CDH13: variants seen among roughly 807,000 people sequenced by gnomAD.
CDH13 encodes cadherin-13.
CDH13 carries 24 observed loss-of-function variants against 63.8 expected under a neutral mutation model. The ratio of observed to expected loss-of-function variants is 0.38; its 90% CI spans 0.27 to 0.53. The LOEUF is 0.53. Ranked by LOEUF, CDH13 falls within the 20% of genes least tolerant of loss-of-function variation. The pLI, the probability that CDH13 is intolerant of heterozygous loss-of-function variation, is 0.85. For missense variants in CDH13, 1,049 were observed against 903.1 expected, an observed-to-expected ratio of 1.16 and a Z score of -2.07; for synonymous variants, 503 against 355.3, an observed-to-expected ratio of 1.42 and a Z score of -4.67.
chr16:83,016,138 C>T (rs972937742), intron 2 of CDH13, among the ~76,000 whole-genome samples: 2 of 152,098 alleles, frequency 1.3e-5, no homozygotes, highest in Non-Finnish European at 2.9e-5. Flanking sequence ...TAATAAAAAT[C>T]ACTTGGCCAC....
chr16:82,963,245 G>A (rs1482048168), intron 2 of CDH13, among the ~76,000 whole-genome samples: 1 of 151,940 alleles, frequency 6.6e-6, no homozygotes, highest in Non-Finnish European at 1.5e-5. Context: ...CAGGTGTGGT[G>A]GTGGGCACCT....
intron 6 of CDH13, among the ~76,000 whole-genome samples, chr16:83,422,536 ATACT>A (rs1479430710): frequency 1.3e-5 from 2 of 152,226 alleles, no homozygotes; most frequent in African/African-American, 4.8e-5. Flanking sequence ...GAATTAATTA[ATACT>A]TACGATAAAT....
chr16:83,463,474 C>G (rs2073231063), intron 6 of CDH13, among the ~76,000 whole-genome samples: 1 of 152,168 alleles, frequency 6.6e-6, no homozygotes, highest in Admixed American at 6.5e-5. Flanking sequence ...TGGCATACCA[C>G]ACTACACACA....
At chr16:83,052,776 C>CAAAAAAAAAAAAAAAAAAAAAAAAAAAA (rs71148805) in intron 3 of CDH13, among the ~76,000 whole-genome samples, 1 of 92,920 alleles carries the variant, frequency 1.1e-5, no homozygotes, top group Admixed American at 1.1e-4. Flanking sequence ...GACTTTATCT[C>CAAAAAAAAAAAAAAAAAAAAAAAAAAAA]AAAAAAAAAA....
intron 1 of CDH13, among the ~76,000 whole-genome samples, chr16:82,728,783 A>G (rs2151032450): frequency 6.6e-6 from 1 of 152,328 alleles, no homozygotes; most frequent in East Asian, 1.9e-4. Context: ...AAAATTTTGT[A>G]TAGCATGTGA....
intron 5 of CDH13, among the ~76,000 whole-genome samples, chr16:83,344,361 C>T (rs918234937): frequency 6.6e-6 from 1 of 152,306 alleles, no homozygotes; most frequent in East Asian, 1.9e-4. Flanking sequence ...CTCATTCAGG[C>T]CCCCTGCAAA....
In CDH13 at chr16:83,570,612, A is replaced by T. The variant is rs188780504; in HGVS notation, c.961-31842A>T. ...CAATCACTGGAAAAGACGGCTGGGG[A>T]GCTCAACAGCAGGAGACAAAGTCCA... is the stretch of plus-strand genomic sequence containing the variant. On this transcript the variant is annotated intron_variant, in intron 7 of 13. Transcript: ENST00000567109. 9.9e-5 allele frequency among the ~76,000 whole-genome samples: 15 copies of T among 151,590 alleles called. No homozygotes were observed. The East Asian group carries it at 1.9e-3, about 20-fold the overall frequency.
intron 6 of CDH13, among the ~76,000 whole-genome samples, chr16:83,395,002 G>T (rs2091858712): frequency 6.6e-6 from 1 of 152,110 alleles, no homozygotes; most frequent in Non-Finnish European, 1.5e-5. Flanking sequence ...GCAAAAATTT[G>T]CTGGGCATGG....
intron 8 of CDH13, among the ~76,000 whole-genome samples, chr16:83,669,635 G>A (rs960496771): frequency 1.3e-5 from 2 of 152,122 alleles, no homozygotes; most frequent in Non-Finnish European, 2.9e-5. Context: ...CAAATTAGTT[G>A]CAGTCCCCGC....
chr16:83,305,170 G>A (rs535300001), intron 5 of CDH13, among the ~76,000 whole-genome samples: 1 of 152,234 alleles, frequency 6.6e-6, no homozygotes, highest in African/African-American at 2.4e-5. Flanking sequence ...AGTTGGTGGG[G>A]CTCTCCTTGT....
intron 11 of CDH13, among the ~76,000 whole-genome samples, chr16:83,777,450 G>C (rs538938004): frequency 6.6e-6 from 1 of 152,354 alleles, no homozygotes; most frequent in East Asian, 1.9e-4. Context: ...CGGTCCCCCA[G>C]CCAGTTTCTC....
At chr16:83,044,618 A>T (rs1917612277) in intron 3 of CDH13, among the ~76,000 whole-genome samples, 1 of 152,220 alleles carries the variant, frequency 6.6e-6, no homozygotes, top group Non-Finnish European at 1.5e-5. Context: ...TATATTTTTA[A>T]AACTATAATT....
intron 1 of CDH13, among the ~76,000 whole-genome samples, chr16:82,731,136 C>A (rs552121745): frequency 4.7e-4 from 71 of 152,234 alleles, no homozygotes; most frequent in Non-Finnish European, 9.4e-4. Context: ...AACTGGCAAA[C>A]ACCTCAGGGC....
intron 1 of CDH13, among the ~76,000 whole-genome samples, chr16:82,704,609 G>A (rs1178590544): frequency 1.3e-5 from 2 of 152,224 alleles, no homozygotes; most frequent in Non-Finnish European, 2.9e-5. Context: ...GGCAAGTGCT[G>A]CAGAGGCAGG....
At chr16:82,681,049 G>A (rs1039955873) in intron 1 of CDH13, among the ~76,000 whole-genome samples, 32 of 152,222 alleles carry the variant, frequency 2.1e-4, no homozygotes, top group Admixed American at 3.9e-4. Flanking sequence ...GATGAGAGCA[G>A]GTCTGTTCTG....
At chr16:82,856,956 G>C (rs1465065294) in intron 1 of CDH13, among the ~76,000 whole-genome samples, 1 of 152,118 alleles carries the variant, frequency 6.6e-6, no homozygotes, top group Non-Finnish European at 1.5e-5. Context: ...TATTGGTTAA[G>C]GACCACTCCC....
intron 1 of CDH13, among the ~76,000 whole-genome samples, chr16:82,849,241 C>A (rs2039385694): frequency 6.6e-6 from 1 of 152,202 alleles, no homozygotes; most frequent in South Asian, 2.1e-4. Flanking sequence ...CAGTGGCTCA[C>A]ACCTGTGATT....
At chr16:83,713,240 G>A (rs1598553318) in intron 10 of CDH13, among the ~76,000 whole-genome samples, 1 of 152,126 alleles carries the variant, frequency 6.6e-6, no homozygotes, top group Non-Finnish European at 1.5e-5. Context: ...GTCCTTCATG[G>A]ACGCATTGAT....
At chr16:83,036,143 C>CTTTTT (rs34375178) in intron 3 of CDH13, among the ~76,000 whole-genome samples, 3 of 90,822 alleles carry the variant, frequency 3.3e-5, no homozygotes, top group East Asian at 3.1e-4. Flanking sequence ...GAGCTCTCCT[C>CTTTTT]TTTTTTTTTT....
Sources: gnomAD v4.1 joint callset for allele counts (sites outside exome capture counted in the v4.1 genomes callset) on GRCh38, gnomAD v4.1.1 for gene constraint, MANE v1.5 for transcripts, NCBI Gene and HGNC (gene_info 2026-07-23, HGNC 2026-07-21) for gene names.